Variants in TNFRSF19 observed in about 807,000 individuals in gnomAD.
TNFRSF19 encodes the protein TNF receptor superfamily member 19.
Under a neutral mutation model 46.4 loss-of-function variants are expected in TNFRSF19, and 27 were observed. The ratio of observed to expected loss-of-function variants is 0.58; its 90% CI spans 0.43 to 0.80. TNFRSF19 has a LOEUF of 0.80. Among genes scored for constraint, TNFRSF19 ranks in the 30% least tolerant of loss-of-function variants. TNFRSF19 has a pLI of 0.00. For missense variants in TNFRSF19, 511 were observed against 530.8 expected, an observed-to-expected ratio of 0.96 and a Z score of 0.37; for synonymous variants, 204 against 205.0, an observed-to-expected ratio of 1.00 and a Z score of 0.04.
intron 5 of TNFRSF19, among the ~76,000 whole-genome samples, chr13:23,631,780 C>T (rs1014825336): frequency 6.6e-6 from 1 of 152,154 alleles, no homozygotes; most frequent in African/African-American, 2.4e-5. Flanking sequence ...GGAGAAATAG[C>T]AAGTTCCTCG....
At chr13:23,581,158 C>T (rs1181732126) in intron 1 of TNFRSF19, among the ~76,000 whole-genome samples, 9 of 143,144 alleles carry the variant, frequency 6.3e-5, no homozygotes, top group East Asian at 2.1e-4. Context: ...AACGGAGTCT[C>T]GCTCTGTCAC....
chr13:23,662,451 A>G (rs967623846), intron 7 of TNFRSF19, among the ~76,000 whole-genome samples: 2 of 152,214 alleles, frequency 1.3e-5, no homozygotes, highest in Non-Finnish European at 1.5e-5. Flanking sequence ...GTTTGAAATC[A>G]GCTAACATGA....
chr13:23,579,067 A>C (rs1312593285), intron 1 of TNFRSF19, among the ~76,000 whole-genome samples: 2 of 151,986 alleles, frequency 1.3e-5, no homozygotes, highest in African/African-American at 4.8e-5. Flanking sequence ...GGCGGAAAGG[A>C]ACCCTCCCTC....
intron 5 of TNFRSF19, among the ~76,000 whole-genome samples, chr13:23,635,697 G>C (rs768287508): frequency 6.6e-6 from 1 of 152,070 alleles, no homozygotes; most frequent in Non-Finnish European, 1.5e-5. Flanking sequence ...TATTTTAATT[G>C]CTTCATTTAT....
At chr13:23,586,257 CAAAAAAAA>C (rs34228080) in intron 1 of TNFRSF19, among the ~76,000 whole-genome samples, 3 of 91,952 alleles carry the variant, frequency 3.3e-5, no homozygotes, top group African/African-American at 1.3e-4. Context: ...GACTCCGTCT[CAAAAAAAA>C]AAAAAAAAAA....
Position 23,659,293 on chromosome 13 carries a change from G to A in TNFRSF19, c.610+79G>A. On this transcript the variant is annotated intron_variant, in intron 6 of 9. Coordinates refer to ENST00000248484, the MANE Select transcript of TNFRSF19 (RefSeq NM_148957.4). This position sits in a 1 kb window ranked among gnomAD's most constrained non-coding sequence, Gnocchi z 4.9. ...CTATTGTCGTGCAAGTGTTCCACAA[G>A]AGACTTGGCTGAGACAAGCACCAGT... 6.8e-7 allele frequency: 1 copy of A among 1,481,350 alleles called. No individual in the cohort carries two copies. The highest frequency in any genetic ancestry group is 9.1e-7 in the Non-Finnish European group (1 of 1,094,588). 91.8% of individuals were successfully genotyped at this position (1,481,350 alleles called of 1,614,324 possible).
At chr13:23,632,588 T>C (rs955057860) in intron 5 of TNFRSF19, among the ~76,000 whole-genome samples, 5 of 152,358 alleles carry the variant, frequency 3.3e-5, no homozygotes, top group East Asian at 3.9e-4. Flanking sequence ...TATCTCTTTC[T>C]TTTTGTCAAT....
At chr13:23,620,467 C>A (rs747123866) in intron 4 of TNFRSF19, among the ~76,000 whole-genome samples, 1 of 152,168 alleles carries the variant, frequency 6.6e-6, no homozygotes, top group South Asian at 2.1e-4. Flanking sequence ...TTGAGTCATT[C>A]GAGAGAGCCA....
intron 1 of TNFRSF19, among the ~76,000 whole-genome samples, chr13:23,580,663 G>T (rs905425858): frequency 7.2e-5 from 11 of 152,202 alleles, no homozygotes; most frequent in African/African-American, 2.7e-4. Flanking sequence ...GAACTGGAGG[G>T]GTGAGAATTG....
chr13:23,637,332 C>CT, intron 5 of TNFRSF19, among the ~76,000 whole-genome samples: 1 of 152,216 alleles, frequency 6.6e-6, no homozygotes, highest in Non-Finnish European at 1.5e-5. Flanking sequence ...ATTTTGAGTC[C>CT]TAACACTTAA....
At chr13:23,648,841 G>GT (rs2138358672) in intron 5 of TNFRSF19, among the ~76,000 whole-genome samples, 2 of 152,212 alleles carry the variant, frequency 1.3e-5, no homozygotes, top group East Asian at 3.9e-4. Context: ...ATTTTGTTGT[G>GT]TATTTTTCCC....
chr13:23,643,708 G>A (rs546914300), intron 5 of TNFRSF19, among the ~76,000 whole-genome samples: 26 of 152,308 alleles, frequency 1.7e-4, no homozygotes, highest in Non-Finnish European at 2.2e-4. Flanking sequence ...CAGAATTGCC[G>A]GATGGCGAGA....
intron 3 of TNFRSF19, among the ~76,000 whole-genome samples, chr13:23,608,870 GCTGGTCAGCCTTCTTC>G (rs1299135589): frequency 3.3e-5 from 5 of 152,168 alleles, no homozygotes; most frequent in Non-Finnish European, 5.9e-5. Flanking sequence ...GAGCTGCCTT[GCTGGTCAGCCTTCTTC>G]CTGTCCTTCT....
chr13:23,607,809 G>A (rs923537366), intron 3 of TNFRSF19, among the ~76,000 whole-genome samples: 1 of 152,202 alleles, frequency 6.6e-6, no homozygotes, highest in Non-Finnish European at 1.5e-5. Context: ...TCTGGGTCAT[G>A]AGGTTCTTTC....
At chr13:23,667,175 G>A (rs1951652189) in intron 7 of TNFRSF19, among the ~76,000 whole-genome samples, 1 of 151,092 alleles carries the variant, frequency 6.6e-6, no homozygotes, top group Admixed American at 6.6e-5. Flanking sequence ...CAAGAAGGCT[G>A]TTCAAAAAGC....
At chr13:23,649,769 A>G (rs945373254) in intron 5 of TNFRSF19, among the ~76,000 whole-genome samples, 1 of 151,988 alleles carries the variant, frequency 6.6e-6, no homozygotes, top group Non-Finnish European at 1.5e-5. Context: ...ATTCACCTCA[A>G]AGTATTTCCT....
chr13:23,665,829 C>A (rs1326936564), intron 7 of TNFRSF19, among the ~76,000 whole-genome samples: 1 of 152,132 alleles, frequency 6.6e-6, no homozygotes, highest in African/African-American at 2.4e-5. Flanking sequence ...TTCTTAATTG[C>A]CCCAGTATTG....
At chr13:23,608,373 T>C (rs894341862) in intron 3 of TNFRSF19, among the ~76,000 whole-genome samples, 2 of 152,258 alleles carry the variant, frequency 1.3e-5, no homozygotes, top group Non-Finnish European at 2.9e-5. Flanking sequence ...CCAGGTACTA[T>C]GTGATCTTTG....
At chr13:23,623,125 C>G (rs1258140835) in intron 4 of TNFRSF19, among the ~76,000 whole-genome samples, 3 of 152,170 alleles carry the variant, frequency 2.0e-5, no homozygotes, top group Admixed American at 6.5e-5. Flanking sequence ...CTTCTTCCCC[C>G]AGCCCGTGGA....
Sources: gnomAD v4.1 joint callset for allele counts (sites outside exome capture counted in the v4.1 genomes callset) on GRCh38, gnomAD v4.1.1 for gene constraint, Gnocchi (gnomAD v3.1) non-coding constraint, MANE v1.5 for transcripts, NCBI Gene and HGNC (gene_info 2026-07-23, HGNC 2026-07-21) for gene names.